Variants in STXBP5 observed in about 807,000 individuals in gnomAD.
The protein encoded by STXBP5 is syntaxin-binding protein 5.
Under a neutral mutation model 152.4 loss-of-function variants are expected in STXBP5, and 50 were observed. The observed-to-expected ratio is 0.33, with a 90% confidence interval of 0.26 to 0.42. The LOEUF (loss-of-function observed/expected upper bound fraction) is 0.42. STXBP5 is among the 10% of genes least tolerant of loss of function. STXBP5 has a pLI of 1.00. For synonymous variants in STXBP5, 492 were observed against 494.7 expected (o/e 0.99, Z 0.07); for missense variants, 1,167 against 1,388.6 (o/e 0.84, Z 2.54).
At chr6:147,216,761 T>A (rs1777189987) in intron 2 of STXBP5, among the ~76,000 whole-genome samples, 1 of 152,218 alleles carries the variant, frequency 6.6e-6, no homozygotes, top group African/African-American at 2.4e-5. Context: ...GAGCTATGAT[T>A]TTAACGTGAG....
chr6:147,346,737 A>G (rs575522155), intron 21 of STXBP5, among the ~76,000 whole-genome samples: 1 of 147,560 alleles, frequency 6.8e-6, no homozygotes, highest in African/African-American at 2.5e-5. Flanking sequence ...GAGTCTCCTC[A>G]AAAAAAAAAA....
intron 4 of STXBP5, among the ~76,000 whole-genome samples, chr6:147,256,528 T>C (rs1022938120): frequency 3.9e-5 from 6 of 152,162 alleles, no homozygotes; most frequent in Non-Finnish European, 5.9e-5. Context: ...TGTCACTGAA[T>C]ATGGTTTCAC....
intron 22 of STXBP5, among the ~76,000 whole-genome samples, chr6:147,358,543 T>C (rs1249495653): frequency 1.3e-5 from 2 of 152,186 alleles, no homozygotes; most frequent in African/African-American, 2.4e-5. Context: ...ACTTGACCTT[T>C]AAACAATGCA....
Position 147,334,213 on chromosome 6 carries a change from C to G in STXBP5, c.2137C>G (p.Pro713Ala). The change falls in exon 19 of 28, where the codon CCA becomes GCA. Residue 713 changes from proline to alanine, a missense_variant. Physicochemically the swap from Pro to Ala is conservative, Grantham distance 27. This residue lies in a region of STXBP5 where 833 missense variants were observed against 986.3 expected (regional missense o/e 0.84). Coordinates refer to ENST00000321680, the MANE Select transcript of STXBP5 (RefSeq NM_001127715.4). ...TGTTCCAGAGGATCGCTGCAAATCT[C>G]CAACCTCTGGTAATTTGGTTTTTTT... is the stretch of plus-strand genomic sequence containing the variant. ...TVVPEDRCKS[P>A]TSGSSSPHNS... 6.2e-7 allele frequency: 1 copy of G among 1,611,730 alleles called. No individual in the cohort carries two copies. The highest frequency in any genetic ancestry group is 8.5e-7 in the Non-Finnish European group (1 of 1,178,978).
chr6:147,351,966 C>G, intron 21 of STXBP5: 1 of 900,988 alleles, frequency 1.1e-6, no homozygotes, highest in Non-Finnish European at 1.3e-6. Context: ...TTAACAAATG[C>G]TTTTTGAAAA....
intron 16 of STXBP5, among the ~76,000 whole-genome samples, chr6:147,318,700 A>C (rs1051327222): frequency 1.2e-4 from 18 of 152,192 alleles, no homozygotes; most frequent in Non-Finnish European, 1.5e-5. Context: ...CATTAATGAT[A>C]CATGTGAGGA....
At chr6:147,319,192 T>C (rs2128378615) in intron 16 of STXBP5, among the ~76,000 whole-genome samples, 1 of 152,268 alleles carries the variant, frequency 6.6e-6, no homozygotes, top group Non-Finnish European at 1.5e-5. Flanking sequence ...GGGTTGTTTT[T>C]TAAAAAACAG....
rs74640884 is a variant in STXBP5, at chr6:147,289,152, C to T, written c.839-1942C>T. 3.8e-3 allele frequency among the ~76,000 whole-genome samples: 579 copies of T among 152,298 alleles called. 3 individuals are homozygous for T. Among genetic ancestry groups the T allele is most frequent in the African/African-American group, 0.013 (555 of 41,554 alleles). On this transcript the variant is annotated intron_variant, in intron 8 of 27. Transcript: ENST00000321680. ...CCATCAGGAAATGGGTTCTCCCTGGCGCCGGCTGCCAATATCACTTTTAGT... is the reference window on the plus strand; with the variant it reads ...CCATCAGGAAATGGGTTCTCCCTGGTGCCGGCTGCCAATATCACTTTTAGT...
chr6:147,319,542 T>G (rs1252355381), intron 16 of STXBP5, among the ~76,000 whole-genome samples: 2 of 152,170 alleles, frequency 1.3e-5, no homozygotes, highest in African/African-American at 4.8e-5. Context: ...ACCTCATGTA[T>G]AATAAAACTT....
At chr6:147,327,736 C>A (rs1395505463) in intron 18 of STXBP5, among the ~76,000 whole-genome samples, 2 of 152,164 alleles carry the variant, frequency 1.3e-5, no homozygotes, top group Non-Finnish European at 1.5e-5. Flanking sequence ...GGCACCACAC[C>A]CAGCCTGTTT....
intron 4 of STXBP5, among the ~76,000 whole-genome samples, chr6:147,255,806 G>A (rs1779331144): frequency 1.3e-5 from 2 of 152,130 alleles, no homozygotes; most frequent in African/African-American, 4.8e-5. Context: ...GAGCCACTGT[G>A]CCCAGCCATG....
intron 1 of STXBP5, among the ~76,000 whole-genome samples, chr6:147,205,569 C>G (rs966799879): frequency 6.6e-6 from 1 of 151,994 alleles, no homozygotes; most frequent in African/African-American, 2.4e-5. Context: ...GAAGTACTTG[C>G]GTTAGCATCC....
chr6:147,280,356 T>A (rs1392294107), intron 8 of STXBP5, among the ~76,000 whole-genome samples: 1 of 152,190 alleles, frequency 6.6e-6, no homozygotes, highest in African/African-American at 2.4e-5. Context: ...TCCTCTCAAG[T>A]GGAACTCGTT....
chr6:147,363,586 T>G lies in STXBP5; in HGVS notation c.2797T>G (p.Cys933Gly). Residue 933 changes from cysteine (C) to glycine (G), a missense_variant, in exon 24 of 28, where the codon TGT becomes GGT. Coordinates refer to ENST00000321680, the MANE Select transcript of STXBP5 (RefSeq NM_001127715.4). ...AKVISLPTQN[C>G]AYKQNITETS... ...AGTAATCTCACTGCCAACCCAGAAC[T>G]GTGCTTATAAGCAAAATATTACAGA... 3.7e-6 allele frequency: 6 copies of G among 1,614,216 alleles called. No individual in the cohort carries two copies. Among genetic ancestry groups the G allele is most frequent in the Non-Finnish European group, 4.2e-6 (5 of 1,180,044 alleles).
chr6:147,238,293 C>G (rs1167884589), intron 3 of STXBP5, among the ~76,000 whole-genome samples: 1 of 152,114 alleles, frequency 6.6e-6, no homozygotes, highest in East Asian at 1.9e-4. Flanking sequence ...GCCAGGAGAG[C>G]AAAGAGGTCA....
At chr6:147,325,943 G>A (rs1395592979) in intron 17 of STXBP5, among the ~76,000 whole-genome samples, 1 of 152,044 alleles carries the variant, frequency 6.6e-6, no homozygotes, top group Non-Finnish European at 1.5e-5. Flanking sequence ...AAACTATATA[G>A]CATTTCCATT....
chr6:147,236,498 A>G (rs533200279), intron 3 of STXBP5, among the ~76,000 whole-genome samples: 1 of 152,302 alleles, frequency 6.6e-6, no homozygotes, highest in Admixed American at 6.5e-5. Flanking sequence ...ATATAACAAT[A>G]GTATGATAGC....
chr6:147,382,067 A>T (rs926251001), intron 26 of STXBP5, among the ~76,000 whole-genome samples: 3 of 152,100 alleles, frequency 2.0e-5, no homozygotes, highest in African/African-American at 7.2e-5. Flanking sequence ...AAAGAAAGAA[A>T]TGTAAGCTGA....
intron 8 of STXBP5, among the ~76,000 whole-genome samples, chr6:147,285,123 A>G (rs1188538402): frequency 2.0e-5 from 3 of 152,024 alleles, no homozygotes; most frequent in Non-Finnish European, 4.4e-5. Flanking sequence ...AAGAAGGAGA[A>G]ATCAGATGTG....
Sources: gnomAD v4.1 joint callset for allele counts (sites outside exome capture counted in the v4.1 genomes callset) on GRCh38, gnomAD v4.1.1 for gene constraint, gnomAD v4.1.1 regional missense constraint, MANE v1.5 for transcripts, NCBI Gene and HGNC (gene_info 2026-07-23, HGNC 2026-07-21) for gene names.